EYA4: variants seen among roughly 807,000 people sequenced by gnomAD.
The protein encoded by EYA4 is protein phosphatase EYA4.
A neutral mutation model predicts 87.9 loss-of-function variants in EYA4; 31 were observed. That is an observed-to-expected ratio of 0.35 (90% confidence interval 0.27 to 0.48). The LOEUF (loss-of-function observed/expected upper bound fraction) is 0.48. EYA4 is among the 20% of genes least tolerant of loss of function. EYA4 has a pLI of 0.99. For missense variants in EYA4, 678 were observed against 761.4 expected (o/e 0.89, Z 1.29); for synonymous variants, 263 against 270.6 (o/e 0.97, Z 0.28).
At chr6:133,420,746 C>T (rs938033773) in intron 3 of EYA4, among the ~76,000 whole-genome samples, 2 of 152,208 alleles carry the variant, frequency 1.3e-5, no homozygotes, top group Non-Finnish European at 2.9e-5. Context: ...TGACAGTAAG[C>T]TAAAATGCTA....
chr6:133,350,201 T>C (rs1783534491), intron 2 of EYA4, among the ~76,000 whole-genome samples: 2 of 152,122 alleles, frequency 1.3e-5, no homozygotes, highest in South Asian at 4.1e-4. Flanking sequence ...GAGTTCCCAT[T>C]ATGTGCCATG....
chr6:133,408,183 TG>T (rs1172940499), intron 3 of EYA4, among the ~76,000 whole-genome samples: 122 of 152,344 alleles, frequency 8.0e-4, no homozygotes, highest in African/African-American at 2.8e-3. Flanking sequence ...CCCCTTTGCA[TG>T]GTGAACAGAC....
chr6:133,252,967 AC>A lies in EYA4; in HGVS notation c.-66+11219del, dbSNP rs1372304525. Reference sequence around the variant, plus strand: ...AACACACACACACACACACACACACACACACACACACACACACACACACTCA... The same window carrying A: ...AACACACACACACACACACACACACAACACACACACACACACACACACTCA... On this transcript the variant is annotated intron_variant, in intron 1 of 19. Transcript: ENST00000355286. Among the ~76,000 whole-genome samples, 302 of 149,982 alleles carry A rather than the reference AC, an allele frequency of 2.0e-3. 1 individual carries two copies. The highest frequency in any genetic ancestry group is 6.9e-3 in the African/African-American group (282 of 41,022).
chr6:133,515,611 G>A (rs1384504850), intron 17 of EYA4, among the ~76,000 whole-genome samples, 176 bp downstream of exon 17: 1 of 123,072 alleles, frequency 8.1e-6, no homozygotes, highest in Non-Finnish European at 1.6e-5. Context: ...GAGAGAGAGA[G>A]TGTGTGTGTG....
At chr6:133,276,750 G>A (rs1777197523) in intron 2 of EYA4, among the ~76,000 whole-genome samples, 1 of 152,092 alleles carries the variant, frequency 6.6e-6, no homozygotes, top group Non-Finnish European at 1.5e-5. Context: ...GCTTAGAACT[G>A]TTAAATGACT....
intron 2 of EYA4, among the ~76,000 whole-genome samples, chr6:133,368,949 A>G (rs1217102146): frequency 6.6e-6 from 1 of 152,244 alleles, no homozygotes; most frequent in African/African-American, 2.4e-5. Flanking sequence ...TTGTGCTACA[A>G]ATTACTCAGA....
At chr6:133,288,002 A>T (rs1467257320) in intron 2 of EYA4, among the ~76,000 whole-genome samples, 1 of 152,056 alleles carries the variant, frequency 6.6e-6, no homozygotes, top group East Asian at 1.9e-4. Flanking sequence ...GGGGGCACAC[A>T]CCTGTAATCC....
intron 2 of EYA4, among the ~76,000 whole-genome samples, chr6:133,366,033 A>C (rs1181271268): frequency 6.6e-6 from 1 of 152,228 alleles, no homozygotes; most frequent in Middle Eastern, 3.2e-3. Context: ...AAACAGTTTT[A>C]GAGGAGAGAA....
chr6:133,381,040 T>TTCTTC (rs1396494191), intron 2 of EYA4, among the ~76,000 whole-genome samples: 3 of 150,610 alleles, frequency 2.0e-5, no homozygotes, highest in African/African-American at 7.3e-5. Flanking sequence ...CTCCTCCTTT[T>TTCTTC]TCTTCTCTTC....
intron 17 of EYA4, among the ~76,000 whole-genome samples, chr6:133,518,609 A>G (rs918751204): frequency 1.3e-5 from 2 of 152,186 alleles, no homozygotes; most frequent in Non-Finnish European, 2.9e-5. Flanking sequence ...GAATAACGAA[A>G]GATGTAAGAA....
chr6:133,481,063 C>G (rs1796177440), intron 11 of EYA4, among the ~76,000 whole-genome samples: 1 of 141,370 alleles, frequency 7.1e-6, no homozygotes, highest in African/African-American at 2.9e-5. Context: ...ACTAATGAAG[C>G]ATGACTTCCT....
chr6:133,503,041 G>T (rs865919477), intron 13 of EYA4, among the ~76,000 whole-genome samples: 1 of 152,194 alleles, frequency 6.6e-6, no homozygotes, highest in African/African-American at 2.4e-5. Context: ...TCCCAGTGCC[G>T]TGGGGTTGCA....
intron 11 of EYA4, among the ~76,000 whole-genome samples, chr6:133,480,167 C>T (rs902411370): frequency 6.6e-6 from 1 of 152,086 alleles, no homozygotes; most frequent in Non-Finnish European, 1.5e-5. Flanking sequence ...GGGAGAAGTA[C>T]AGGAGTCCAT....
intron 3 of EYA4, among the ~76,000 whole-genome samples, chr6:133,396,913 C>T (rs376458360): frequency 6.6e-6 from 1 of 152,128 alleles, no homozygotes; most frequent in Non-Finnish European, 1.5e-5. Context: ...AACTCCCTGC[C>T]GTGTTTTCAC....
At chr6:133,400,704 A>AT (rs66488617) in intron 3 of EYA4, among the ~76,000 whole-genome samples, 4 of 151,726 alleles carry the variant, frequency 2.6e-5, no homozygotes, top group African/African-American at 9.7e-5. Context: ...TGATTACCTT[A>AT]TTTTTTTACA....
chr6:133,485,351 A>C (rs2128716995), intron 13 of EYA4, among the ~76,000 whole-genome samples: 1 of 152,334 alleles, frequency 6.6e-6, no homozygotes, highest in African/African-American at 2.4e-5. Flanking sequence ...GAGGGGAAGA[A>C]GGAAACTAAC....
intron 3 of EYA4, among the ~76,000 whole-genome samples, chr6:133,388,267 C>T (rs1786936554): frequency 6.6e-6 from 1 of 151,648 alleles, no homozygotes; most frequent in Non-Finnish European, 1.5e-5. Context: ...ATTAGTAGGG[C>T]ATAGTGGTGG....
At chr6:133,525,801 A>T (rs992939768) in intron 19 of EYA4, 101 of 634,448 alleles carry the variant, frequency 1.6e-4, no homozygotes, top group South Asian at 4.2e-4. Context: ...CTGAGGGCAG[A>T]TTTAATAGCT....
intron 14 of EYA4, among the ~76,000 whole-genome samples, chr6:133,510,235 A>G (rs1420046711): frequency 6.6e-6 from 1 of 152,214 alleles, no homozygotes; most frequent in Non-Finnish European, 1.5e-5. Context: ...ACTTCTGATT[A>G]CCAGGGAAAT....
Sources: gnomAD v4.1 joint callset for allele counts (sites outside exome capture counted in the v4.1 genomes callset) on GRCh38, gnomAD v4.1.1 for gene constraint, MANE v1.5 for transcripts, NCBI Gene and HGNC (gene_info 2026-07-23, HGNC 2026-07-21) for gene names.